The following DAB1 variants were observed in gnomAD, a reference collection of about 807,000 sequenced individuals.
DAB1 encodes the protein disabled homolog 1.
In DAB1, 15 loss-of-function variants were observed where a neutral mutation model predicts 64.6. The observed-to-expected ratio is 0.23, with a 90% CI of 0.16 to 0.36. DAB1 has a LOEUF of 0.36. DAB1 is among the 10% of genes least tolerant of loss of function. The probability of loss-of-function intolerance (pLI) is 1.00; values close to 1 mark genes in which losing one functional copy is unlikely to be tolerated. For missense variants in DAB1, 596 were observed against 706.7 expected (o/e 0.84, Z 1.78); for synonymous variants, 235 against 251.9 (o/e 0.93, Z 0.64).
intron 4 of DAB1, among the ~76,000 whole-genome samples, chr1:58,304,800 A>ACG (rs1662268121): frequency 1.3e-5 from 2 of 152,122 alleles, no homozygotes; most frequent in Non-Finnish European, 2.9e-5. Context: ...GGGGATTCTG[A>ACG]CGCAGCAGGA....
intron 4 of DAB1, among the ~76,000 whole-genome samples, chr1:58,197,115 T>C (rs963417108): frequency 2.0e-5 from 3 of 152,242 alleles, no homozygotes; most frequent in African/African-American, 4.8e-5. Flanking sequence ...AGTCATGCAA[T>C]AGAAGGAACC....
At chr1:58,504,512 T>C (rs1645956504) in intron 3 of DAB1, among the ~76,000 whole-genome samples, 1 of 152,176 alleles carries the variant, frequency 6.6e-6, no homozygotes, top group South Asian at 2.1e-4. Flanking sequence ...TTTAATCTGC[T>C]TTATTTTTTC....
chr1:57,436,557 T>G (rs937909355), intron 7 of DAB1, among the ~76,000 whole-genome samples: 2 of 152,200 alleles, frequency 1.3e-5, no homozygotes, highest in African/African-American at 4.8e-5. Flanking sequence ...TAAAATGTTA[T>G]ACCCGTAATA....
At chr1:57,621,066 T>C (rs1645851765) in intron 7 of DAB1, among the ~76,000 whole-genome samples, 1 of 151,848 alleles carries the variant, frequency 6.6e-6, no homozygotes, top group South Asian at 2.1e-4. Context: ...GTTAAGCTTG[T>C]GTGCCTGTTT....
chr1:58,507,452 A>C (rs1419733461), intron 2 of DAB1, among the ~76,000 whole-genome samples: 1 of 152,012 alleles, frequency 6.6e-6, no homozygotes, highest in African/African-American at 2.4e-5. Flanking sequence ...TTAGCAAAAT[A>C]AAAAATTTTA....
chr1:57,460,141 T>C (rs1165762865), intron 7 of DAB1, among the ~76,000 whole-genome samples: 4 of 152,208 alleles, frequency 2.6e-5, no homozygotes, highest in African/African-American at 9.7e-5. Context: ...AAACCATTAG[T>C]TGTGACACTT....
rs528072583 is a variant in DAB1, at chr1:58,148,780, C to T, written n.387+1731G>A. Among the ~76,000 whole-genome samples the T allele has an allele frequency of 2.1e-4, 32 of 152,096 alleles. No individual in the cohort carries two copies. The South Asian group carries it at 2.3e-3, about 11-fold the overall frequency. On this transcript the variant is annotated intron_variant and non_coding_transcript_variant, in intron 5 of 20. Coordinates refer to the DAB1 transcript ENST00000485760. Reference sequence around the variant, plus strand: ...GAGAGCAGCACAGAAATCACACCCCCCCCCCAACCTCATGATTCAATTACT... The same window carrying T: ...GAGAGCAGCACAGAAATCACACCCCTCCCCCAACCTCATGATTCAATTACT...
chr1:58,536,130 A>C (rs1646513154), intron 1 of DAB1, among the ~76,000 whole-genome samples: 1 of 152,116 alleles, frequency 6.6e-6, no homozygotes, highest in Non-Finnish European at 1.5e-5. Flanking sequence ...AAAGCCTAGG[A>C]GACCTAACCC....
chr1:57,053,780 T>C (rs1649462615), intron 9 of DAB1, among the ~76,000 whole-genome samples: 1 of 149,844 alleles, frequency 6.7e-6, no homozygotes, highest in Non-Finnish European at 1.5e-5. Context: ...CTCCGCTTCC[T>C]GGGTTTAAGC....
intron 1 of DAB1, among the ~76,000 whole-genome samples, chr1:57,310,996 T>TA (rs376897390): frequency 0.029 from 4,260 of 145,052 alleles, 168 homozygotes; most frequent in Admixed American, 0.079. Flanking sequence ...AGCCCATCTC[T>TA]AAAAAAAAAA....
chr1:57,626,836 T>C (rs1164902405), intron 7 of DAB1, among the ~76,000 whole-genome samples: 3 of 152,040 alleles, frequency 2.0e-5, no homozygotes, highest in African/African-American at 7.2e-5. Context: ...CATGACCTAA[T>C]CACCCCACAA....
At chr1:57,817,010 T>C (rs1182068790) in intron 6 of DAB1, among the ~76,000 whole-genome samples, 1 of 152,178 alleles carries the variant, frequency 6.6e-6, no homozygotes, top group Non-Finnish European at 1.5e-5. Context: ...TTATGCCCTT[T>C]ATGACTCAAT....
At chr1:57,821,597 C>T (rs1202778929), downstream of DAB1, among the ~76,000 whole-genome samples, 1 of 152,206 alleles carries the variant, frequency 6.6e-6, no homozygotes, top group Non-Finnish European at 1.5e-5. Context: ...GGTTATCAAG[C>T]TTACCTGGAG....
intron 5 of DAB1, among the ~76,000 whole-genome samples, chr1:58,059,963 C>A (rs1242757766): frequency 6.6e-6 from 1 of 152,024 alleles, no homozygotes; most frequent in African/African-American, 2.4e-5. Flanking sequence ...TGGGAGCTCC[C>A]GGGAAGGCAG....
At chr1:58,292,738 G>A (rs1281314656) in intron 4 of DAB1, among the ~76,000 whole-genome samples, 1 of 152,144 alleles carries the variant, frequency 6.6e-6, no homozygotes, top group Non-Finnish European at 1.5e-5. Context: ...AGACCAAAAG[G>A]TGGAGAAAGT....
At chr1:57,563,933 G>T (rs780406284) in intron 7 of DAB1, among the ~76,000 whole-genome samples, 1 of 152,312 alleles carries the variant, frequency 6.6e-6, no homozygotes, top group South Asian at 2.1e-4. Context: ...CAGCTTTGAA[G>T]AGTGCAGTGG....
chr1:57,341,353 C>G (rs1677567662), intron 1 of DAB1, among the ~76,000 whole-genome samples: 1 of 152,194 alleles, frequency 6.6e-6, no homozygotes, highest in Non-Finnish European at 1.5e-5. Context: ...AGCACCAAAC[C>G]TTAGTTTTAA....
chr1:57,282,305 A>G (rs1356512560), intron 2 of DAB1, among the ~76,000 whole-genome samples: 1 of 152,012 alleles, frequency 6.6e-6, no homozygotes, highest in Non-Finnish European at 1.5e-5. Context: ...AGTCTGCACA[A>G]AAGCCACAGA....
At chr1:57,225,373 GACTGAATTGA>G (rs1667185056) in intron 2 of DAB1, among the ~76,000 whole-genome samples, 1 of 152,278 alleles carries the variant, frequency 6.6e-6, no homozygotes, top group South Asian at 2.1e-4. Context: ...AATTGGACTA[GACTGAATTGA>G]ACTGAATTGA....
Sources: allele counts gnomAD v4.1 joint callset (sites outside exome capture counted in the v4.1 genomes callset), GRCh38; gene constraint gnomAD v4.1.1; transcripts MANE v1.5; gene names NCBI Gene and HGNC (gene_info 2026-07-23, HGNC 2026-07-21).